Variants in MAP3K1 observed in about 807,000 individuals in gnomAD.
The protein encoded by MAP3K1 is mitogen-activated protein kinase kinase kinase 1.
Under a neutral mutation model 144.2 loss-of-function variants are expected in MAP3K1, and 36 were observed. The observed-to-expected ratio is 0.25, with a 90% CI of 0.19 to 0.33. The LOEUF is 0.33. Ranked by LOEUF, MAP3K1 falls within the 10% of genes least tolerant of loss-of-function variation. MAP3K1 has a pLI of 1.00. For synonymous variants in MAP3K1, 718 were observed against 688.7 expected (o/e 1.04, Z -0.67); for missense variants, 1,650 against 1,881.9 (o/e 0.88, Z 2.28).
chr5:56,837,771 C>T (rs905808862), intron 1 of MAP3K1, among the ~76,000 whole-genome samples: 3 of 152,228 alleles, frequency 2.0e-5, no homozygotes, highest in Non-Finnish European at 2.9e-5. Flanking sequence ...GACCCATTTC[C>T]GTCCTCACGG....
chr5:56,872,590 T>C, intron 7 of MAP3K1, 51 bp from the exon 8 acceptor site: 4 of 1,028,592 alleles, frequency 3.9e-6, no homozygotes, highest in Non-Finnish European at 6.1e-6. Context: ...GAAATAAAAA[T>C]AATGTTAAAC....
In MAP3K1 at chr5:56,895,373, T is replaced by TAA. The variant is rs1250148621; in HGVS notation, c.*1693_*1694insAA. 2.2e-5 allele frequency: 5 copies of TAA among 229,518 alleles called. No homozygotes were observed. The highest frequency in any genetic ancestry group is 3.4e-5 in the Non-Finnish European group (4 of 116,010). 14.2% of individuals were successfully genotyped at this position (229,518 alleles called of 1,614,324 possible). Reference sequence around the variant, plus strand: ...GACTTTCTTTTTTATTTTGTTTTTTTTTTTTTTTGACTACTTAGAATTTTC... The same window carrying TAA: ...GACTTTCTTTTTTATTTTGTTTTTTTAATTTTTTTTGACTACTTAGAATTTTC... On this transcript the variant is annotated 3_prime_UTR_variant, in exon 20 of 20. Transcript: ENST00000399503.
chr5:56,886,585 A>T (rs73759253), intron 17 of MAP3K1, among the ~76,000 whole-genome samples: 3,153 of 152,234 alleles, frequency 0.021, 107 homozygotes, highest in African/African-American at 0.073. Flanking sequence ...TTTTATTGCT[A>T]GTTAATGGCA....
rs1748213696 is a variant in MAP3K1, at chr5:56,881,730, T to G, written c.2530T>G (p.Ser844Ala). 6.2e-7 allele frequency: 1 copy of G among 1,614,164 alleles called. No individual in the cohort carries two copies. The change falls in exon 14 of 20, where the codon TCC becomes GCC. Residue 844 changes from serine (S) to alanine (A), a missense_variant. Physicochemically the swap from Ser to Ala is moderately conservative, Grantham distance 99. Transcript: ENST00000399503. Reference sequence around the variant, plus strand: ...AAAACTGTTAGAAATGCTGAGTGTTTCCAGTTCCACTCACTTCACCAGGAT... The same window carrying G: ...AAAACTGTTAGAAATGCTGAGTGTTGCCAGTTCCACTCACTTCACCAGGAT... The part of the protein sequence containing the change: ...FSKLLEMLSV[S>A]SSTHFTRMRR...
chr5:56,882,887 A>G, intron 14 of MAP3K1, 21 bp downstream of exon 14: 1 of 1,591,464 alleles, frequency 6.3e-7, no homozygotes, highest in East Asian at 2.2e-5. Flanking sequence ...ATTCTTTAAG[A>G]GGTTAGAAAA....
intron 1 of MAP3K1, among the ~76,000 whole-genome samples, chr5:56,836,435 T>C (rs1025619550): frequency 6.6e-6 from 1 of 152,178 alleles, no homozygotes; most frequent in Non-Finnish European, 1.5e-5. Flanking sequence ...TTAAAGTGAT[T>C]AGTTTTTAGA....
Position 56,872,888 on chromosome 5 carries a change from A to ACAG in MAP3K1, c.1577_1579dup (p.Gln526dup). ...TCAGAGCTGCACAGCAGCAAACCGTACAGCAGCAGCCTTTGGCTGGATCAC... is the reference window on the plus strand; with the variant it reads ...TCAGAGCTGCACAGCAGCAAACCGTACAGCAGCAGCAGCCTTTGGCTGGATCAC... On this transcript the variant is annotated inframe_insertion, in exon 9 of 20. Transcript: ENST00000399503. 6.2e-7 allele frequency: 1 copy of ACAG among 1,614,130 alleles called. No homozygotes were observed. Among genetic ancestry groups the ACAG allele is most frequent in the Non-Finnish European group, 8.5e-7 (1 of 1,179,992 alleles).
At chr5:56,879,723 C>T (rs542957164) in intron 11 of MAP3K1, among the ~76,000 whole-genome samples, 4 of 152,280 alleles carry the variant, frequency 2.6e-5, no homozygotes, top group African/African-American at 9.6e-5. Context: ...CAATGGTTCT[C>T]TTTTATTTTC....
rs947131700 is a variant in MAP3K1 at position 56,857,118 on chromosome 5, T to C, written c.633+368T>C. On this transcript the variant is annotated intron_variant, in intron 2 of 19. Transcript: ENST00000399503. The stretch of plus-strand genomic sequence containing the variant: ...AAGACAGGATCCAAGGATCTTAATT[T>C]CAGAAATCTTCTAGGAAAGAAAACA... 2.0e-5 allele frequency among the ~76,000 whole-genome samples: 3 copies of C among 152,180 alleles called. 1 individual carries two copies. The highest frequency in any genetic ancestry group is 4.4e-5 in the Non-Finnish European group (3 of 68,034).
chr5:56,846,143 GT>G (rs1490091639), intron 1 of MAP3K1, among the ~76,000 whole-genome samples: 1 of 152,086 alleles, frequency 6.6e-6, no homozygotes, highest in Non-Finnish European at 1.5e-5. Context: ...TGTCACTAAC[GT>G]TTTTATATGT....
intron 1 of MAP3K1, chr5:56,817,070 C>G: frequency 1.0e-6 from 1 of 985,390 alleles, no homozygotes; most frequent in Non-Finnish European, 1.2e-6. Flanking sequence ...CGGTGGGCTT[C>G]GGCTCAGATG....
chr5:56,818,825 T>C (rs1383538851), intron 1 of MAP3K1, among the ~76,000 whole-genome samples: 3 of 152,246 alleles, frequency 2.0e-5, no homozygotes, highest in Non-Finnish European at 2.9e-5. Context: ...TTGTTAATGT[T>C]AGTTTTTGTT....
chr5:56,827,171 G>A (rs1746342027), intron 1 of MAP3K1, among the ~76,000 whole-genome samples: 1 of 151,882 alleles, frequency 6.6e-6, no homozygotes, highest in Admixed American at 6.5e-5. Flanking sequence ...CCAGAGTGGA[G>A]GCAGGGTCCA....
At chr5:56,820,773 A>G in intron 1 of MAP3K1, 1 of 985,340 alleles carries the variant, frequency 1.0e-6, no homozygotes, top group Non-Finnish European at 1.2e-6. Flanking sequence ...GGTGGTCTTG[A>G]GTGGTGGAGA....
At chr5:56,832,286 A>G (rs1449847962) in intron 1 of MAP3K1, among the ~76,000 whole-genome samples, 1 of 152,220 alleles carries the variant, frequency 6.6e-6, no homozygotes, top group Non-Finnish European at 1.5e-5. Flanking sequence ...TCTAAGCAGT[A>G]AAAGTGGCAA....
intron 1 of MAP3K1, among the ~76,000 whole-genome samples, chr5:56,852,314 A>G (rs1747200328): frequency 6.6e-6 from 1 of 152,204 alleles, no homozygotes; most frequent in African/African-American, 2.4e-5. Flanking sequence ...ACAGTGGCTG[A>G]CACCACATTA....
chr5:56,820,812 T>G (rs533304764), intron 1 of MAP3K1: 73 of 985,266 alleles, frequency 7.4e-5, no homozygotes, highest in Non-Finnish European at 8.6e-5. Context: ...AAGCTGTTTC[T>G]GTCGGTAGGT....
At chr5:56,880,573 G>A in intron 11 of MAP3K1, 138 bp from the exon 12 acceptor site, 1 of 708,134 alleles carries the variant, frequency 1.4e-6, no homozygotes, top group Non-Finnish European at 2.6e-6. Flanking sequence ...TTGTTAATAT[G>A]ATTTTAGTGG....
chr5:56,861,568 TAA>T (rs869216404), intron 3 of MAP3K1, among the ~76,000 whole-genome samples: 55,198 of 113,590 alleles, frequency 0.49, 13,748 homozygotes, highest in Non-Finnish European at 0.58. Flanking sequence ...GTGAGACTCC[TAA>T]AAAAAAAAAA....
Sources: gnomAD v4.1 joint callset for allele counts (sites outside exome capture counted in the v4.1 genomes callset) on GRCh38, gnomAD v4.1.1 for gene constraint, MANE v1.5 for transcripts, NCBI Gene and HGNC (gene_info 2026-07-23, HGNC 2026-07-21) for gene names.